NRXN3: variants seen among roughly 807,000 people sequenced by gnomAD.
NRXN3 encodes the protein neurexin 3, also known as neurexin III.
A neutral mutation model predicts 137.6 loss-of-function variants in NRXN3; 32 were observed. The observed-to-expected ratio is 0.23, with a 90% CI of 0.18 to 0.31. The LOEUF (loss-of-function observed/expected upper bound fraction) is 0.31. NRXN3 is among the 10% of genes least tolerant of loss of function. The pLI is 1.00. For missense variants in NRXN3, 1,574 were observed against 2,062.5 expected (o/e 0.76, Z 4.59); for synonymous variants, 798 against 784.5 (o/e 1.02, Z -0.29).
intron 15 of NRXN3, among the ~76,000 whole-genome samples, chr14:79,276,330 T>C (rs1424239219): frequency 1.3e-5 from 2 of 151,916 alleles, no homozygotes; most frequent in Non-Finnish European, 2.9e-5. Flanking sequence ...GTGGGGTAAA[T>C]TGGAGAGGGA....
intron 10 of NRXN3, among the ~76,000 whole-genome samples, chr14:78,869,443 C>G (rs1361200344): frequency 6.6e-6 from 1 of 152,086 alleles, no homozygotes; most frequent in Non-Finnish European, 1.5e-5. Flanking sequence ...TCAAAGTCTT[C>G]TAGTTGCCTA....
chr14:78,578,410 G>A (rs970638324), intron 4 of NRXN3, among the ~76,000 whole-genome samples: 7 of 152,140 alleles, frequency 4.6e-5, no homozygotes, highest in Admixed American at 6.5e-5. Flanking sequence ...AGAGCTATTC[G>A]GAGTAATTGG....
At chr14:79,107,712 A>C (rs2052704256) in intron 15 of NRXN3, among the ~76,000 whole-genome samples, 1 of 152,106 alleles carries the variant, frequency 6.6e-6, no homozygotes, top group African/African-American at 2.4e-5. Flanking sequence ...AGAGAGAATT[A>C]ATAGAAAGGG....
intron 15 of NRXN3, among the ~76,000 whole-genome samples, chr14:79,242,883 A>T (rs2074534557): frequency 6.6e-6 from 1 of 152,226 alleles, no homozygotes; most frequent in Non-Finnish European, 1.5e-5. Flanking sequence ...TTTACAGTGT[A>T]TCATGCCAAC....
intron 8 of NRXN3, among the ~76,000 whole-genome samples, chr14:78,771,624 G>A (rs1239708674): frequency 6.6e-6 from 1 of 152,134 alleles, no homozygotes; most frequent in Admixed American, 6.5e-5. Context: ...TGAATTCCTG[G>A]CAATAGGGAG....
chr14:79,865,560 G>C lies in NRXN3; in HGVS notation c.*3596G>C, dbSNP rs1042099240. 1 of 152,138 alleles carries C rather than the reference G, an allele frequency of 6.6e-6. No homozygotes were observed. The highest frequency in any genetic ancestry group is 1.5e-5 in the Non-Finnish European group (1 of 68,042). The allele number at this position is 152,138 out of a possible 1,614,324, so 9.4% of individuals were successfully genotyped here. ...TATCGACTATGTTAGGAATGGGGGG[G>C]AGAAAGTCAGGTTCAGTGATGTCAA... On this transcript the variant is annotated 3_prime_UTR_variant, in exon 21 of 21. Coordinates refer to ENST00000335750, the MANE Select transcript of NRXN3 (RefSeq NM_001330195.2).
chr14:78,420,636 A>G (rs2093404168), intron 4 of NRXN3, among the ~76,000 whole-genome samples: 1 of 152,238 alleles, frequency 6.6e-6, no homozygotes, highest in South Asian at 2.1e-4. Context: ...TTAATAACGA[A>G]TATTCTCACC....
At chr14:78,835,508 T>C (rs2098994154) in intron 10 of NRXN3, among the ~76,000 whole-genome samples, 1 of 152,206 alleles carries the variant, frequency 6.6e-6, no homozygotes, top group Non-Finnish European at 1.5e-5. Flanking sequence ...TTGTACACTA[T>C]GCTCTGGGCA....
At chr14:79,036,745 A>T (rs2202168) in intron 15 of NRXN3, among the ~76,000 whole-genome samples, 91,731 of 151,168 alleles carry the variant, frequency 0.61, 28,228 homozygotes, top group East Asian at 0.78. Context: ...AAATTGCATT[A>T]CTCAAGATGT....
chr14:78,367,816 G>C (rs946490920), intron 4 of NRXN3, among the ~76,000 whole-genome samples: 9 of 152,172 alleles, frequency 5.9e-5, no homozygotes, highest in African/African-American at 1.9e-4. Flanking sequence ...CTTCTCAAAG[G>C]CTTGCTTCCA....
chr14:78,848,218 C>G (rs1174351641), intron 10 of NRXN3, among the ~76,000 whole-genome samples: 2 of 152,120 alleles, frequency 1.3e-5, no homozygotes, highest in African/African-American at 4.8e-5. Flanking sequence ...CCCTGGAATT[C>G]TCTATGTTTA....
At chr14:78,376,546 G>A (rs2087883797) in intron 4 of NRXN3, among the ~76,000 whole-genome samples, 1 of 152,116 alleles carries the variant, frequency 6.6e-6, no homozygotes, top group African/African-American at 2.4e-5. Flanking sequence ...GAGGGAAAAG[G>A]GAAACCAGTT....
intron 4 of NRXN3, among the ~76,000 whole-genome samples, chr14:78,359,164 A>T (rs1053959143): frequency 3.3e-5 from 5 of 152,198 alleles, no homozygotes; most frequent in Admixed American, 3.3e-4. Context: ...TTCAAAGCTG[A>T]TATTAAGTCA....
intron 16 of NRXN3, among the ~76,000 whole-genome samples, chr14:79,497,751 A>G (rs1219221514): frequency 1.3e-5 from 2 of 152,110 alleles, no homozygotes; most frequent in Admixed American, 1.3e-4. Context: ...AAAAGCCAGA[A>G]TGAGGCTGGG....
chr14:79,287,297 T>C (rs1184812044), intron 15 of NRXN3, among the ~76,000 whole-genome samples: 1 of 152,198 alleles, frequency 6.6e-6, no homozygotes, highest in Non-Finnish European at 1.5e-5. Context: ...AGGTAGAAAG[T>C]CATGCCAGGC....
intron 19 of NRXN3, among the ~76,000 whole-genome samples, chr14:79,766,115 T>C (rs977046820): frequency 6.6e-6 from 1 of 152,210 alleles, no homozygotes; most frequent in Non-Finnish European, 1.5e-5. Context: ...TTGATCTGTT[T>C]CTATTGTTTC....
chr14:79,041,527 C>T (rs1187003697), intron 15 of NRXN3, among the ~76,000 whole-genome samples: 3 of 152,092 alleles, frequency 2.0e-5, no homozygotes, highest in African/African-American at 7.2e-5. Flanking sequence ...TTAATATAGC[C>T]TTGGGTTCTG....
intron 15 of NRXN3, among the ~76,000 whole-genome samples, chr14:79,018,837 A>G (rs2099584106): frequency 6.6e-6 from 1 of 152,238 alleles, no homozygotes; most frequent in Admixed American, 6.5e-5. Context: ...CAAGGCTGAA[A>G]AAGATATCTA....
At chr14:78,239,797 C>G (rs2066844343) in intron 1 of NRXN3, among the ~76,000 whole-genome samples, 1 of 152,088 alleles carries the variant, frequency 6.6e-6, no homozygotes, top group African/African-American at 2.4e-5. Flanking sequence ...AACTCTGCAT[C>G]CCAGGTTCCA....
Sources: allele counts gnomAD v4.1 joint callset (sites outside exome capture counted in the v4.1 genomes callset), GRCh38; gene constraint gnomAD v4.1.1; transcripts MANE v1.5; gene names NCBI Gene and HGNC (gene_info 2026-07-23, HGNC 2026-07-21).